The following CDH13 variants were observed in gnomAD, a reference collection of about 807,000 sequenced individuals.
The protein encoded by CDH13 is cadherin 13.
CDH13 carries 24 observed loss-of-function variants against 63.8 expected under a neutral mutation model. The ratio of observed to expected loss-of-function variants is 0.38; its 90% CI spans 0.27 to 0.53. The LOEUF is 0.53. Among genes scored for constraint, CDH13 ranks in the 20% least tolerant of loss-of-function variants. The probability of loss-of-function intolerance (pLI) is 0.85; values close to 1 mark genes in which losing one functional copy is unlikely to be tolerated. For synonymous variants in CDH13, 503 were observed against 355.3 expected (o/e 1.42, Z -4.67); for missense variants, 1,049 against 903.1 (o/e 1.16, Z -2.07).
intron 4 of CDH13, among the ~76,000 whole-genome samples, chr16:83,169,874 G>A (rs1016328072): frequency 5.9e-5 from 9 of 152,130 alleles, no homozygotes; most frequent in African/African-American, 1.7e-4. Context: ...AAAGTCACAT[G>A]AATACATATA....
intron 4 of CDH13, among the ~76,000 whole-genome samples, chr16:83,203,446 G>A (rs1156242406): frequency 2.6e-5 from 4 of 151,720 alleles, no homozygotes; most frequent in South Asian, 2.1e-4. Context: ...CAGCACTTTC[G>A]GAGGCCAAGG....
chr16:83,414,710 T>C (rs1170385448), intron 6 of CDH13, among the ~76,000 whole-genome samples: 2 of 152,240 alleles, frequency 1.3e-5, no homozygotes, highest in African/African-American at 4.8e-5. Flanking sequence ...TCACATAATG[T>C]CTTCAAGATT....
In CDH13 at chr16:83,779,364, G is replaced by A. The variant is rs548097775; in HGVS notation, c.1682-604G>A. Reference sequence around the variant, plus strand: ...GGAGGTTGCAGTGAGTCGAGATTGCGCCATTGCACTCCAGCCCGGGCGACA... The same window carrying A: ...GGAGGTTGCAGTGAGTCGAGATTGCACCATTGCACTCCAGCCCGGGCGACA... On this transcript the variant is annotated intron_variant, in intron 11 of 13. Coordinates refer to ENST00000567109, the MANE Select transcript of CDH13 (RefSeq NM_001257.5). Among the ~76,000 whole-genome samples the A allele has an allele frequency of 6.0e-4, 70 of 117,016 alleles. No homozygotes were observed. The South Asian group carries it at 9.0e-3, about 15-fold the overall frequency. The allele number at this position is 117,016 out of a possible 152,430, so 76.8% of individuals were successfully genotyped here.
intron 2 of CDH13, among the ~76,000 whole-genome samples, chr16:83,010,764 A>C (rs562676595): frequency 6.6e-6 from 1 of 152,182 alleles, no homozygotes; most frequent in South Asian, 2.1e-4. Flanking sequence ...TTGTGAACCT[A>C]TGATTAGAAA....
intron 4 of CDH13, among the ~76,000 whole-genome samples, chr16:83,200,164 G>A (rs959675736): frequency 6.6e-6 from 1 of 152,130 alleles, no homozygotes; most frequent in African/African-American, 2.4e-5. Flanking sequence ...ATGTGGTGCT[G>A]ATGGTCTTTG....
At chr16:82,727,021 C>A (rs538631106) in intron 1 of CDH13, among the ~76,000 whole-genome samples, 1 of 152,056 alleles carries the variant, frequency 6.6e-6, no homozygotes, top group Non-Finnish European at 1.5e-5. Context: ...TAATGAAGTG[C>A]CCAGGATTCC....
At chr16:82,853,502 C>T (rs762856460) in intron 1 of CDH13, among the ~76,000 whole-genome samples, 61 of 152,150 alleles carry the variant, frequency 4.0e-4, no homozygotes, top group Non-Finnish European at 7.8e-4. Flanking sequence ...ATCCTCATAA[C>T]GGGTGAGATA....
At chr16:82,637,969 A>G (rs541010286) in intron 1 of CDH13, among the ~76,000 whole-genome samples, 1 of 152,202 alleles carries the variant, frequency 6.6e-6, no homozygotes, top group Non-Finnish European at 1.5e-5. Context: ...GGAACAGCAG[A>G]TAAAAACAAG....
intron 2 of CDH13, among the ~76,000 whole-genome samples, chr16:82,890,918 C>G (rs1408473341): frequency 6.6e-6 from 1 of 152,034 alleles, no homozygotes; most frequent in African/African-American, 2.4e-5. Flanking sequence ...TCCCAAAGTG[C>G]TGGGATTACA....
intron 9 of CDH13, among the ~76,000 whole-genome samples, chr16:83,671,569 A>T (rs1302088893): frequency 6.6e-6 from 1 of 152,138 alleles, no homozygotes; most frequent in East Asian, 1.9e-4. Flanking sequence ...TTTTAAATGA[A>T]ATTCTTTATA....
At chr16:83,012,033 GC>G (rs973594576) in intron 2 of CDH13, among the ~76,000 whole-genome samples, 29 of 152,020 alleles carry the variant, frequency 1.9e-4, no homozygotes, top group Non-Finnish European at 3.4e-4. Flanking sequence ...CCTTTCCCCA[GC>G]CCAGGACTAG....
intron 4 of CDH13, among the ~76,000 whole-genome samples, chr16:83,149,177 A>G (rs2036871289): frequency 6.6e-6 from 1 of 152,232 alleles, no homozygotes; most frequent in African/African-American, 2.4e-5. Context: ...TGAAATATTC[A>G]GCAACTAATT....
intron 7 of CDH13, among the ~76,000 whole-genome samples, chr16:83,490,083 G>C (rs1383026528): frequency 6.6e-6 from 1 of 151,908 alleles, no homozygotes; most frequent in African/African-American, 2.4e-5. Flanking sequence ...ACCTGAATGA[G>C]GGACAAAGCA....
intron 3 of CDH13, among the ~76,000 whole-genome samples, chr16:83,113,627 G>C (rs754798277): frequency 6.6e-6 from 1 of 152,178 alleles, no homozygotes; most frequent in Non-Finnish European, 1.5e-5. Context: ...AGGGCTCTAG[G>C]GGAAAAAGGC....
chr16:83,690,561 A>C, intron 10 of CDH13, among the ~76,000 whole-genome samples: 1 of 152,100 alleles, frequency 6.6e-6, no homozygotes, highest in Non-Finnish European at 1.5e-5. Flanking sequence ...TAAGCATGCT[A>C]GTGGGATTAG....
At chr16:83,399,199 A>G (rs910477146) in intron 6 of CDH13, among the ~76,000 whole-genome samples, 9 of 152,212 alleles carry the variant, frequency 5.9e-5, no homozygotes, top group Admixed American at 5.9e-4. Context: ...GGCTATGAGA[A>G]TTTGGGTCTT....
chr16:82,917,345 C>G (rs771881983), intron 2 of CDH13, among the ~76,000 whole-genome samples: 1 of 152,092 alleles, frequency 6.6e-6, no homozygotes. Context: ...AACATTTCAA[C>G]TCAGGTTCAG....
chr16:83,142,794 C>T (rs2036589848), intron 4 of CDH13, among the ~76,000 whole-genome samples: 2 of 152,104 alleles, frequency 1.3e-5, no homozygotes, highest in South Asian at 2.1e-4. Flanking sequence ...CCAGTGGTCT[C>T]TCTACAAGGT....
intron 13 of CDH13, among the ~76,000 whole-genome samples, chr16:83,785,212 A>T (rs1379872634): frequency 6.6e-6 from 1 of 152,250 alleles, no homozygotes; most frequent in Non-Finnish European, 1.5e-5. Context: ...GTGGCTTATA[A>T]ATAACAGAGA....
Sources: allele counts gnomAD v4.1 joint callset (sites outside exome capture counted in the v4.1 genomes callset), GRCh38; gene constraint gnomAD v4.1.1; transcripts MANE v1.5; gene names NCBI Gene and HGNC (gene_info 2026-07-23, HGNC 2026-07-21).